The following RYR2 variants were observed in gnomAD, a reference collection of about 807,000 sequenced individuals.
RYR2 encodes the protein cardiac muscle ryanodine receptor-calcium release channel.
Under a neutral mutation model 601.1 loss-of-function variants are expected in RYR2, and 227 were observed. The ratio of observed to expected loss-of-function variants is 0.38; its 90% CI spans 0.34 to 0.42. The LOEUF (loss-of-function observed/expected upper bound fraction) is 0.42, where lower values mean the gene tolerates loss of function less well. RYR2 is among the 10% of genes least tolerant of loss of function. The pLI, the probability that RYR2 is intolerant of heterozygous loss-of-function variation, is 1.00. For missense variants in RYR2, 4,646 were observed against 6,156.5 expected (o/e 0.75, Z 8.21); for synonymous variants, 2,223 against 2,175.1 (o/e 1.02, Z -0.61).
At chr1:237,406,951 CAAT>C (rs1002144711) in intron 10 of RYR2, among the ~76,000 whole-genome samples, 8 of 152,282 alleles carry the variant, frequency 5.3e-5, no homozygotes, top group African/African-American at 1.9e-4. Context: ...GTATCACACA[CAAT>C]AATTTCACTG....
intron 2 of RYR2, among the ~76,000 whole-genome samples, chr1:237,282,251 T>C (rs1195757383): frequency 6.6e-6 from 1 of 152,104 alleles, no homozygotes; most frequent in Non-Finnish European, 1.5e-5. Flanking sequence ...TCAGATGTTT[T>C]CTATTCAGCT....
At chr1:237,407,609 G>GT (rs35247530) in intron 10 of RYR2, among the ~76,000 whole-genome samples, 4,396 of 118,808 alleles carry the variant, frequency 0.037, 99 homozygotes, top group Middle Eastern at 0.064. Flanking sequence ...AATTGTGGTT[G>GT]TTTTTTTTTT....
chr1:237,590,984 G>C lies in RYR2; in HGVS notation c.4152G>C (p.Leu1384=), dbSNP rs1453639568. 6 of 1,610,350 alleles carry C rather than the reference G, an allele frequency of 3.7e-6. No homozygotes were observed. The South Asian group carries it at 5.5e-5, about 15-fold the overall frequency. The change falls in exon 31 of 105, where the codon CTG becomes CTC. Residue 1384 remains leucine, a synonymous_variant. Coordinates refer to ENST00000366574, the MANE Select transcript of RYR2 (RefSeq NM_001035.3). Reference sequence around the variant, plus strand: ...ATGCCCAGGAAAAGCCCTCTCGTCTGAAACAAAGGTTACTAATTTATACGC... The same window carrying C: ...ATGCCCAGGAAAAGCCCTCTCGTCTCAAACAAAGGTTACTAATTTATACGC... The part of the protein sequence containing the change: ...KDYAQEKPSR[L]KQRFLLRRTK...
At chr1:237,203,888 C>T (rs532155784) in intron 1 of RYR2, among the ~76,000 whole-genome samples, 1 of 152,296 alleles carries the variant, frequency 6.6e-6, no homozygotes, top group South Asian at 2.1e-4. Context: ...GTTCAGATTC[C>T]TCTCACCATA....
intron 2 of RYR2, among the ~76,000 whole-genome samples, chr1:237,280,553 A>G (rs1214210845): frequency 6.6e-6 from 1 of 152,164 alleles, no homozygotes; most frequent in Non-Finnish European, 1.5e-5. Flanking sequence ...ATTTTTAGAG[A>G]AAAATAAAGT....
At chr1:237,562,011 T>C (rs115466597) in intron 27 of RYR2, among the ~76,000 whole-genome samples, 5,904 of 152,256 alleles carry the variant, frequency 0.039, 204 homozygotes, top group Admixed American at 0.098. Context: ...GTTGCTGACA[T>C]TTAAAAAAAA....
intron 70 of RYR2, among the ~76,000 whole-genome samples, chr1:237,709,937 A>G (rs1037538017): frequency 5.9e-5 from 9 of 152,172 alleles, no homozygotes; most frequent in African/African-American, 1.4e-4. Context: ...CACTCATTTT[A>G]CTTGTAAAGG....
chr1:237,720,176 A>G (rs1558284801), intron 73 of RYR2, among the ~76,000 whole-genome samples: 1 of 152,170 alleles, frequency 6.6e-6, no homozygotes, highest in Non-Finnish European at 1.5e-5. Context: ...TCAAGCTAGT[A>G]TTTTGACTCA....
intron 23 of RYR2, among the ~76,000 whole-genome samples, chr1:237,511,296 CAA>C (rs764004466): frequency 5.6e-4 from 49 of 88,212 alleles, no homozygotes; most frequent in African/African-American, 5.1e-4. Context: ...GTGTATGGAC[CAA>C]AAAAAAAAAA....
chr1:237,638,674 T>G (rs1681127035), intron 45 of RYR2, among the ~76,000 whole-genome samples, 182 bp downstream of exon 45: 1 of 152,254 alleles, frequency 6.6e-6, no homozygotes, highest in Non-Finnish European at 1.5e-5. Context: ...ACTTCTTTCC[T>G]TATTTAAATT....
intron 1 of RYR2, among the ~76,000 whole-genome samples, chr1:237,102,324 T>C (rs1484003770): frequency 6.6e-6 from 1 of 152,112 alleles, no homozygotes; most frequent in African/African-American, 2.4e-5. Flanking sequence ...TCCAGGAAGG[T>C]TGAAAATATA....
At chr1:237,544,216 A>G (rs894687866) in intron 25 of RYR2, among the ~76,000 whole-genome samples, 1 of 152,148 alleles carries the variant, frequency 6.6e-6, no homozygotes, top group Non-Finnish European at 1.5e-5. Context: ...AATTTCATAT[A>G]TATTCCTCAT....
intron 1 of RYR2, among the ~76,000 whole-genome samples, chr1:237,209,239 G>A (rs1165962443): frequency 1.3e-5 from 2 of 150,902 alleles, no homozygotes; most frequent in Non-Finnish European, 3.0e-5. Context: ...GATATATAAA[G>A]TTTAAAAAAG....
At position 237,456,636 on chromosome 1, in the gene RYR2, T is replaced by G; in HGVS notation, c.1513T>G (p.Leu505Val). 1 of 1,609,010 alleles carries G rather than the reference T, an allele frequency of 6.2e-7. No individual in the cohort carries two copies. Among genetic ancestry groups the G allele is most frequent in the Non-Finnish European group, 8.5e-7 (1 of 1,176,634 alleles). The change falls in exon 16 of 105, where the codon TTG becomes GTG. Residue 505 changes from leucine to valine, a missense_variant. By Grantham distance (32) the Leu-to-Val change is conservative. Transcript: ENST00000366574. ...INLVLECIDR[L>V]HVYSSAAHFA... is the part of the protein sequence containing the mutation. Reference sequence around the variant, plus strand: ...CCTCGTGCTTGAGTGCATAGACCGTTTGCACGTCTACAGCAGTGCAGCACA... The same window carrying G: ...CCTCGTGCTTGAGTGCATAGACCGTGTGCACGTCTACAGCAGTGCAGCACA...
At position 237,174,063 on chromosome 1, in the gene RYR2, CA is replaced by C. The variant is rs10559743; in HGVS notation, c.49-96424del. On this transcript the variant is annotated intron_variant, in intron 1 of 104. Transcript: ENST00000366574. ...CAGGGCAAGACTCCATCTCAAAAAA[CA>C]AAAAAAAAAGAGTATTGGTGTCATT... Among the ~76,000 whole-genome samples, 100 of 151,870 alleles carry C rather than the reference CA, an allele frequency of 6.6e-4. 1 individual carries two copies. Among genetic ancestry groups the C allele is most frequent in the Admixed American group, 3.9e-3 (60 of 15,282 alleles).
intron 1 of RYR2, among the ~76,000 whole-genome samples, chr1:237,108,879 A>G (rs961949691): frequency 2.6e-5 from 4 of 152,222 alleles, no homozygotes; most frequent in African/African-American, 7.2e-5. Context: ...GTTTTGGGGT[A>G]CTGGCTCCTA....
At chr1:237,274,388 T>G (rs1457668124) in intron 2 of RYR2, among the ~76,000 whole-genome samples, 1 of 149,140 alleles carries the variant, frequency 6.7e-6, no homozygotes, top group Non-Finnish European at 1.5e-5. Context: ...GAGTCTTAGT[T>G]TTTAACAAAA....
In RYR2 at chr1:237,358,633, G is replaced by A. The variant is rs535994980; in HGVS notation, c.294+2648G>A. On this transcript the variant is annotated intron_variant, in intron 4 of 104. Transcript: ENST00000366574. ...TCCTTACTCTTCCTGGGAGTTCTTG[G>A]TGGCCTCTGAGACAATCCCAAGCTG... is the stretch of plus-strand genomic sequence containing the variant. 4.6e-5 allele frequency among the ~76,000 whole-genome samples: 7 copies of A among 152,016 alleles called. No homozygotes were observed. In the South Asian group the frequency reaches 8.4e-4, roughly 18 times the overall value.
At chr1:237,811,073 T>C (rs1288554489) in intron 100 of RYR2, among the ~76,000 whole-genome samples, 1 of 152,184 alleles carries the variant, frequency 6.6e-6, no homozygotes, top group Non-Finnish European at 1.5e-5. Flanking sequence ...ATTGATACTA[T>C]TTCTTTTTAC....
Sources: gnomAD v4.1 joint callset for allele counts (sites outside exome capture counted in the v4.1 genomes callset) on GRCh38, gnomAD v4.1.1 for gene constraint, MANE v1.5 for transcripts, NCBI Gene and HGNC (gene_info 2026-07-23, HGNC 2026-07-21) for gene names.